The following GRM1 variants were observed in gnomAD, a reference collection of about 807,000 sequenced individuals.
GRM1 encodes the protein metabotropic glutamate receptor 1.
In GRM1, 33 loss-of-function variants were observed where a neutral mutation model predicts 90.9. The observed-to-expected ratio is 0.36, with a 90% CI of 0.28 to 0.49. The LOEUF is 0.49. Among genes scored for constraint, GRM1 ranks in the 20% least tolerant of loss-of-function variants. The pLI, the probability that GRM1 is intolerant of heterozygous loss-of-function variation, is 0.99. For synonymous variants in GRM1, 700 were observed against 613.2 expected (o/e 1.14, Z -2.09); for missense variants, 1,190 against 1,534.3 (o/e 0.78, Z 3.75).
intron 1 of GRM1, among the ~76,000 whole-genome samples, chr6:146,154,962 A>C (rs1777468715): frequency 6.6e-6 from 1 of 152,224 alleles, no homozygotes; most frequent in Admixed American, 6.5e-5. Flanking sequence ...GATTTGTTTC[A>C]TATACCTGTT....
At chr6:146,122,077 G>T (rs1776009706) in intron 1 of GRM1, among the ~76,000 whole-genome samples, 2 of 152,140 alleles carry the variant, frequency 1.3e-5, no homozygotes, top group Non-Finnish European at 2.9e-5. Flanking sequence ...AAGTCTCTTT[G>T]TAGGTCTCTA....
intron 2 of GRM1, among the ~76,000 whole-genome samples, chr6:146,192,230 A>G (rs913110869): frequency 6.6e-6 from 1 of 152,252 alleles, no homozygotes; most frequent in Admixed American, 6.5e-5. Context: ...TAAATATGTC[A>G]TAACAACTAT....
At chr6:146,104,200 G>C (rs1777144996) in intron 1 of GRM1, among the ~76,000 whole-genome samples, 1 of 152,212 alleles carries the variant, frequency 6.6e-6, no homozygotes, top group Admixed American at 6.5e-5. Flanking sequence ...CAGCACTTTG[G>C]GAGGCCGAGG....
chr6:146,114,966 A>G (rs1775687478), intron 1 of GRM1, among the ~76,000 whole-genome samples: 1 of 152,112 alleles, frequency 6.6e-6, no homozygotes, highest in Admixed American at 6.6e-5. Flanking sequence ...TTACCTAAGG[A>G]CTACAGGACA....
chr6:146,148,452 A>C (rs1293627750), intron 1 of GRM1, among the ~76,000 whole-genome samples: 1 of 152,166 alleles, frequency 6.6e-6, no homozygotes, highest in Non-Finnish European at 1.5e-5. Context: ...GACATTTAAA[A>C]ATATGACATA....
chr6:146,139,886 C>T (rs1583058916), intron 1 of GRM1, among the ~76,000 whole-genome samples: 1 of 109,834 alleles, frequency 9.1e-6, no homozygotes, highest in Non-Finnish European at 1.8e-5. Context: ...CCTTCCCTTC[C>T]CTTCCCTTCC....
At position 146,234,004 on chromosome 6, in the gene GRM1, A is replaced by T. The variant is rs529462403; in HGVS notation, c.951-70607A>T. Among the ~76,000 whole-genome samples, 4 of 152,166 alleles carry T rather than the reference A, an allele frequency of 2.6e-5. No homozygotes were observed. The South Asian group carries it at 6.2e-4, about 24-fold the overall frequency. On this transcript the variant is annotated intron_variant, in intron 2 of 7. Coordinates refer to ENST00000282753, the MANE Select transcript of GRM1 (RefSeq NM_001278064.2). ...ATTATTAGATCCATACACATATAGCATTGTTATATCTTCCTTATGGATTAA... is the reference window on the plus strand; with the variant it reads ...ATTATTAGATCCATACACATATAGCTTTGTTATATCTTCCTTATGGATTAA...
chr6:146,398,632 G>T lies in GRM1; in HGVS notation c.1730-137G>T. On this transcript the variant is annotated intron_variant, in intron 6 of 7. Transcript: ENST00000282753. ...GATGTATCTTTATTTGTGTAATAGTGTGCATTTTTAAAAAAGCATTAAATG... is the reference window on the plus strand; with the variant it reads ...GATGTATCTTTATTTGTGTAATAGTTTGCATTTTTAAAAAAGCATTAAATG... The T allele has an allele frequency of 9.3e-6, 7 of 748,776 alleles. No individual in the cohort carries two copies. The South Asian group carries it at 1.0e-4, about 11-fold the overall frequency. 46.4% of individuals were successfully genotyped at this position (748,776 alleles called of 1,614,324 possible).
chr6:146,282,125 A>G (rs1364340015), intron 2 of GRM1, among the ~76,000 whole-genome samples: 1 of 151,260 alleles, frequency 6.6e-6, no homozygotes, highest in Admixed American at 6.6e-5. Flanking sequence ...GCCTTTGTGT[A>G]CCTTTAACAG....
intron 2 of GRM1, among the ~76,000 whole-genome samples, chr6:146,221,689 A>G (rs1366869351): frequency 1.3e-5 from 2 of 152,150 alleles, no homozygotes; most frequent in South Asian, 2.1e-4. Flanking sequence ...AGAATGATTT[A>G]TAATCCTTTG....
chr6:146,310,585 C>A (rs1164308585), intron 3 of GRM1, among the ~76,000 whole-genome samples: 4 of 152,162 alleles, frequency 2.6e-5, no homozygotes, highest in Non-Finnish European at 2.9e-5. Context: ...AGCATCTCTC[C>A]TCGAGAGGTA....
At chr6:146,343,379 A>G (rs1398313829) in intron 3 of GRM1, among the ~76,000 whole-genome samples, 2 of 152,222 alleles carry the variant, frequency 1.3e-5, no homozygotes, top group Admixed American at 6.5e-5. Context: ...CACTTAAAGA[A>G]TGGGGAATTA....
chr6:146,069,640 A>G (rs1208139354), intron 1 of GRM1, among the ~76,000 whole-genome samples: 2 of 152,186 alleles, frequency 1.3e-5, no homozygotes, highest in African/African-American at 4.8e-5. Context: ...TTTAAATAAC[A>G]CTGTCAATTC....
intron 7 of GRM1, among the ~76,000 whole-genome samples, chr6:146,431,740 T>C (rs931589072): frequency 6.6e-6 from 1 of 152,206 alleles, no homozygotes; most frequent in East Asian, 1.9e-4. Flanking sequence ...TTTTTTTCAT[T>C]GCAATTTAAA....
intron 1 of GRM1, among the ~76,000 whole-genome samples, chr6:146,058,654 C>G (rs1173527713): frequency 1.3e-5 from 2 of 152,236 alleles, no homozygotes; most frequent in East Asian, 3.9e-4. Context: ...AACGACTTCT[C>G]TGTAGCATAC....
intron 3 of GRM1, among the ~76,000 whole-genome samples, chr6:146,313,361 G>C (rs1422418523): frequency 6.6e-6 from 1 of 152,092 alleles, no homozygotes. Flanking sequence ...CTGTCATGTG[G>C]TTCAGCTTGC....
At chr6:146,205,301 T>G (rs1779457942) in intron 2 of GRM1, among the ~76,000 whole-genome samples, 1 of 152,294 alleles carries the variant, frequency 6.6e-6, no homozygotes, top group Admixed American at 6.5e-5. Flanking sequence ...CATACAAAAT[T>G]TATTTTAAAA....
chr6:146,214,401 C>T (rs1006731892), intron 2 of GRM1, among the ~76,000 whole-genome samples: 4 of 152,066 alleles, frequency 2.6e-5, no homozygotes, highest in Non-Finnish European at 2.9e-5. Flanking sequence ...AAGATTGCTC[C>T]GATAGAGAAC....
rs910573581 is a variant in GRM1, at chr6:146,370,709, C to G, written c.1602+13015C>G. 8.6e-5 allele frequency among the ~76,000 whole-genome samples: 13 copies of G among 151,940 alleles called. 1 individual carries two copies. The highest frequency in any genetic ancestry group is 6.2e-4 in the South Asian group (3 of 4,816). ...TCAGAATAATCTGTCATCATGCTGGCAGCCATTGTGATACTGGGAAGAGCC... is the reference window on the plus strand; with the variant it reads ...TCAGAATAATCTGTCATCATGCTGGGAGCCATTGTGATACTGGGAAGAGCC... On this transcript the variant is annotated intron_variant, in intron 5 of 7. Transcript: ENST00000282753.
Sources: gnomAD v4.1 joint callset for allele counts (sites outside exome capture counted in the v4.1 genomes callset) on GRCh38, gnomAD v4.1.1 for gene constraint, MANE v1.5 for transcripts, NCBI Gene and HGNC (gene_info 2026-07-23, HGNC 2026-07-21) for gene names.